The following SLC12A4 variants were observed in gnomAD, a reference collection of about 807,000 sequenced individuals.
SLC12A4 encodes electroneutral potassium-chloride cotransporter 1.
Under a neutral mutation model 119.2 loss-of-function variants are expected in SLC12A4, and 84 were observed. The observed-to-expected ratio is 0.70, with a 90% CI of 0.59 to 0.85. SLC12A4 has a LOEUF of 0.85. SLC12A4 is among the 40% of genes least tolerant of loss of function. SLC12A4 has a pLI of 0.00. For missense variants in SLC12A4, 1,298 were observed against 1,476.3 expected, an observed-to-expected ratio of 0.88 and a Z score of 1.98; for synonymous variants, 599 against 604.6, an observed-to-expected ratio of 0.99 and a Z score of 0.14.
intron 6 of SLC12A4, among the ~76,000 whole-genome samples, 172 bp downstream of exon 6, chr16:67,954,471 T>G (rs1598220972): frequency 6.6e-6 from 1 of 152,064 alleles, no homozygotes; most frequent in South Asian, 2.1e-4. Context: ...GGCATGGAGG[T>G]GAAAGGAAGA....
chr16:67,964,735 A>G (rs2030782340), intron 1 of SLC12A4, among the ~76,000 whole-genome samples: 1 of 152,144 alleles, frequency 6.6e-6, no homozygotes. Flanking sequence ...TGCACTGGCC[A>G]TGCCCGCCAA....
In SLC12A4 at chr16:67,954,749, G is replaced by A. The variant is rs1172219235; in HGVS notation, c.569C>T (p.Ser190Phe). The A allele has an allele frequency of 1.2e-6, 2 of 1,614,050 alleles. No individual in the cohort carries two copies. The highest frequency in any genetic ancestry group is 1.7e-6 in the Non-Finnish European group (2 of 1,180,030). The change falls in exon 6 of 24, where the codon TCT (serine) becomes TTT (phenylalanine). Residue 190 changes from serine to phenylalanine, a missense_variant. By Grantham distance (155) the Ser-to-Phe change is radical. Coordinates refer to ENST00000316341, the MANE Select transcript of SLC12A4 (RefSeq NM_005072.5). ...VPAGGSYFMI[S>F]RSLGPEFGGA... is the part of the protein sequence containing the mutation. Reference sequence around the variant, plus strand: ...TCCAAATTCTGGCCCCAGTGAACGAGAGATCATGAAATAGGAGCCCCCAGC... The same window carrying A: ...TCCAAATTCTGGCCCCAGTGAACGAAAGATCATGAAATAGGAGCCCCCAGC...
intron 5 of SLC12A4, among the ~76,000 whole-genome samples, chr16:67,956,851 T>TATAC (rs1491338441): frequency 2.0e-5 from 3 of 150,754 alleles, no homozygotes; most frequent in Admixed American, 1.3e-4. Context: ...TATATATATA[T>TATAC]ACAATTTATG....
At position 67,951,601 on chromosome 16, in the gene SLC12A4, G is replaced by A. The variant is rs971439965; in HGVS notation, c.1132+222C>T. On this transcript the variant is annotated intron_variant, in intron 8 of 23. Transcript: ENST00000316341. This position sits in a 1 kb window ranked among gnomAD's most constrained non-coding sequence, Gnocchi z 5.2. Reference sequence around the variant, plus strand: ...TCCCCAGGCAGTGTCAGGGGCTGGTGGCTGGGGAAGACAGGCTGCTGCAGG... The same window carrying A: ...TCCCCAGGCAGTGTCAGGGGCTGGTAGCTGGGGAAGACAGGCTGCTGCAGG... The A allele has an allele frequency of 1.6e-6, 1 of 612,252 alleles. No homozygotes were observed. The highest frequency in any genetic ancestry group is 3.0e-5 in the Admixed American group (1 of 33,866). 37.9% of individuals were successfully genotyped at this position (612,252 alleles called of 1,614,324 possible). A position where few individuals can be genotyped will look rare whatever the true frequency, so the allele number is the denominator to read the frequency against.
Position 67,943,794 on chromosome 16 carries a change from G to C in SLC12A4, c.*1046C>G, listed in dbSNP as rs1861683817. 1.1e-5 allele frequency: 8 copies of C among 703,334 alleles called. No individual in the cohort carries two copies. Among genetic ancestry groups the C allele is most frequent in the Non-Finnish European group, 1.9e-5 (8 of 428,198 alleles). The allele number at this position is 703,334 out of a possible 1,614,324, so 43.6% of individuals were successfully genotyped here. A position where few individuals can be genotyped will look rare whatever the true frequency, so the allele number is the denominator to read the frequency against. On this transcript the variant is annotated 3_prime_UTR_variant, in exon 24 of 24. Transcript: ENST00000316341. This position sits in a 1 kb window ranked among gnomAD's most constrained non-coding sequence, Gnocchi z 4.6. ...GGGAGAAGGGACGTCATTCCTCTAA[G>C]GGACAAGCTTTTGGCCCCTCCCCAC...
chr16:67,945,422 G>A lies in SLC12A4; in HGVS notation c.2979C>T (p.Thr993=), dbSNP rs752258528. ...TWTRDKYMTE[T]WDPSHAPDNF... is the part of the protein sequence containing the mutation. ...TGTCAGGGGCATGGCTGGGGTCCCAGGTCTCAGTCATGTACTTGTCCCTGG... is the reference window on the plus strand; with the variant it reads ...TGTCAGGGGCATGGCTGGGGTCCCAAGTCTCAGTCATGTACTTGTCCCTGG... Residue 993 remains threonine, a synonymous_variant, in exon 22 of 24, where the codon ACC becomes ACT. Transcript: ENST00000316341. 6.2e-7 allele frequency: 1 copy of A among 1,614,060 alleles called. No homozygotes were observed.
intron 6 of SLC12A4, 56 bp from the exon 7 acceptor site, chr16:67,952,481 TGTC>T: frequency 1.2e-6 from 2 of 1,601,848 alleles, no homozygotes; most frequent in Non-Finnish European, 1.7e-6. Context: ...AAGTGAAACT[TGTC>T]GTTTTGGTTT....
chr16:67,945,680 T>C, intron 21 of SLC12A4, 84 bp downstream of exon 21: 1 of 1,501,296 alleles, frequency 6.7e-7, no homozygotes. Flanking sequence ...GGTGAGTCAT[T>C]CTGATTCCTC....
At chr16:67,966,873 G>A in intron 1 of SLC12A4, 1 of 1,523,304 alleles carries the variant, frequency 6.6e-7, no homozygotes, top group Non-Finnish European at 8.8e-7. Context: ...GGATCTAGCA[G>A]GACTCAGCCA....
intron 1 of SLC12A4, among the ~76,000 whole-genome samples, chr16:67,967,668 C>G (rs891063610): frequency 2.6e-5 from 4 of 152,148 alleles, no homozygotes; most frequent in Non-Finnish European, 5.9e-5. Flanking sequence ...GGGCTTACCT[C>G]TCGGCCCTGG....
rs200889153 is a variant in SLC12A4 at position 67,946,458 on chromosome 16, C to T, written c.2417G>A (p.Arg806His). The change falls in exon 18 of 24, where the codon CGT (arginine) becomes CAT (histidine). Residue 806 changes from arginine (R) to histidine (H), a missense_variant. Physicochemically the swap from Arg to His is conservative, Grantham distance 29 (BLOSUM62 0). Transcript: ENST00000316341. ...CACACCAATGAAGGTCTTCCAGGCA[C>T]GGGGGTCCTCGCTCTGTCGCCAGCC... ...PYGWRQSEDP[R>H]AWKTFIDTVR... 3.1e-4 allele frequency: 498 copies of T among 1,606,142 alleles called. 2 individuals carry two copies. The highest frequency in any genetic ancestry group is 2.3e-5 in the Non-Finnish European group (27 of 1,179,902).
At position 67,951,850 on chromosome 16, in the gene SLC12A4, G is replaced by A. The variant is rs1354581114; in HGVS notation, c.1105C>T (p.Pro369Ser). 1.2e-6 allele frequency: 2 copies of A among 1,613,356 alleles called. No individual in the cohort carries two copies. Among genetic ancestry groups the A allele is most frequent in the African/African-American group, 2.7e-5 (2 of 74,910 alleles). Residue 369 changes from proline (P) to serine (S), a missense_variant, in exon 8 of 24, where the codon CCC becomes TCC. Pro to Ser is a moderately conservative substitution (Grantham distance 74). Transcript: ENST00000316341. This position sits in a 1 kb window ranked among gnomAD's most constrained non-coding sequence, Gnocchi z 5.2. Reference protein sequence around the residue: ...LNNVTEIPGIPGAAAGVLQEN... With the variant: ...LNNVTEIPGISGAAAGVLQEN... ...TGGAGCACACCAGCAGCTGCCCCGGGGATGCCAGGGATCTCGGTCACATTG... is the reference window on the plus strand; with the variant it reads ...TGGAGCACACCAGCAGCTGCCCCGGAGATGCCAGGGATCTCGGTCACATTG...
intron 5 of SLC12A4, among the ~76,000 whole-genome samples, chr16:67,955,707 C>T (rs2030220472): frequency 1.3e-5 from 2 of 151,928 alleles, no homozygotes; most frequent in African/African-American, 4.8e-5. Context: ...ACGATGAAAC[C>T]CCGTCTCTAC....
intron 15 of SLC12A4, 21 bp from the exon 16 acceptor site, chr16:67,947,456 G>A: frequency 6.2e-7 from 1 of 1,607,080 alleles, no homozygotes; most frequent in Non-Finnish European, 8.5e-7. Flanking sequence ...CACCACAGCT[G>A]GTGAGCCCCT....
In SLC12A4 at chr16:67,960,533, C is replaced by T. The variant is rs571700845; in HGVS notation, c.342+1042G>A. ...CCACCCCAGAAAGGCCCAAATCTCA[C>T]GACCAGGTGTGAGGCTGCAGGCCTG... On this transcript the variant is annotated intron_variant, in intron 3 of 23. Coordinates refer to ENST00000316341, the MANE Select transcript of SLC12A4 (RefSeq NM_005072.5). 9.2e-5 allele frequency among the ~76,000 whole-genome samples: 14 copies of T among 151,582 alleles called. No homozygotes were observed. The South Asian group carries it at 1.0e-3, about 11-fold the overall frequency.
chr16:67,944,211 G>A lies in SLC12A4; in HGVS notation c.*629C>T. The A allele has an allele frequency of 6.8e-7, 1 of 1,465,602 alleles. No individual in the cohort carries two copies. The highest frequency in any genetic ancestry group is 9.1e-7 in the Non-Finnish European group (1 of 1,103,074). 90.8% of individuals were successfully genotyped at this position (1,465,602 alleles called of 1,614,324 possible). ...GGGAGGGACGGCCTGGCCAGTGGGG[G>A]TTGTGGCCAGAGATTGCCGGAAAGG... On this transcript the variant is annotated 3_prime_UTR_variant, in exon 24 of 24. Coordinates refer to ENST00000316341, the MANE Select transcript of SLC12A4 (RefSeq NM_005072.5). This position sits in a 1 kb window ranked among gnomAD's most constrained non-coding sequence, Gnocchi z 6.6.
At chr16:67,953,247 C>T (rs532997782) in intron 6 of SLC12A4, among the ~76,000 whole-genome samples, 75 of 134,364 alleles carry the variant, frequency 5.6e-4, no homozygotes, top group African/African-American at 2.1e-3. Flanking sequence ...ATTAGCTGGG[C>T]GTGGTGGCAT....
At chr16:67,957,073 T>TC (rs1456450823) in intron 5 of SLC12A4, among the ~76,000 whole-genome samples, 1 of 151,992 alleles carries the variant, frequency 6.6e-6, no homozygotes, top group Non-Finnish European at 1.5e-5. Flanking sequence ...TGATCTTGGC[T>TC]CACTACTGCA....
At position 67,949,895 on chromosome 16, in the gene SLC12A4, A is replaced by G. The variant is rs2058394153; in HGVS notation, c.1653T>C (p.Asn551=). 6.2e-7 allele frequency: 1 copy of G among 1,611,734 alleles called. No homozygotes were observed. The highest frequency in any genetic ancestry group is 8.5e-7 in the Non-Finnish European group (1 of 1,179,030). ...FLRVFGHGKV[N]GEPTWALLLT... ...GGAGGAGTGCCCATGTGGGTTCACC[A>G]TTCACCTTCCCGTGGCCAAACACCT... Residue 551 remains asparagine, a synonymous_variant, in exon 13 of 24, where the codon AAT becomes AAC. Coordinates refer to ENST00000316341, the MANE Select transcript of SLC12A4 (RefSeq NM_005072.5). This position sits in a 1 kb window ranked among gnomAD's most constrained non-coding sequence, Gnocchi z 4.6.
Sources: allele counts gnomAD v4.1 joint callset (sites outside exome capture counted in the v4.1 genomes callset), GRCh38; gene constraint gnomAD v4.1.1; non-coding constraint Gnocchi (gnomAD v3.1); transcripts MANE v1.5; gene names NCBI Gene and HGNC (gene_info 2026-07-23, HGNC 2026-07-21).